Variants in HPSE2 observed in about 807,000 individuals in gnomAD.
HPSE2 encodes heparanase 2 (inactive).
A neutral mutation model predicts 60.5 loss-of-function variants in HPSE2; 38 were observed. The ratio of observed to expected loss-of-function variants is 0.63; its 90% CI spans 0.48 to 0.82. The LOEUF (loss-of-function observed/expected upper bound fraction) is 0.82, where lower values mean the gene tolerates loss of function less well. Ranked by LOEUF, HPSE2 falls within the 40% of genes least tolerant of loss-of-function variation. HPSE2 has a pLI of 0.00. For missense variants in HPSE2, 713 were observed against 740.4 expected, an observed-to-expected ratio of 0.96 and a Z score of 0.43; for synonymous variants, 295 against 293.2, an observed-to-expected ratio of 1.01 and a Z score of -0.06.
intron 3 of HPSE2, among the ~76,000 whole-genome samples, chr10:99,084,820 T>C (rs921453842): frequency 3.9e-5 from 6 of 152,186 alleles, no homozygotes; most frequent in African/African-American, 9.7e-5. Flanking sequence ...AATAAGCCAA[T>C]GGACCAACTT....
At chr10:98,643,386 A>G (rs976649376) in intron 6 of HPSE2, among the ~76,000 whole-genome samples, 3 of 152,260 alleles carry the variant, frequency 2.0e-5, no homozygotes, top group Non-Finnish European at 4.4e-5. Context: ...AGATGGGATT[A>G]TAAACAATAG....
At chr10:98,728,838 T>C (rs1949156165) in intron 4 of HPSE2, among the ~76,000 whole-genome samples, 1 of 151,836 alleles carries the variant, frequency 6.6e-6, no homozygotes, top group Non-Finnish European at 1.5e-5. Flanking sequence ...TGAAACCCCA[T>C]GTCTACGAAA....
At chr10:99,000,911 C>T (rs1460900435) in intron 3 of HPSE2, among the ~76,000 whole-genome samples, 2 of 152,044 alleles carry the variant, frequency 1.3e-5, no homozygotes, top group South Asian at 2.1e-4. Context: ...AAATCCTGTC[C>T]TGTCCCCTGC....
At chr10:99,148,737 C>T (rs941047226) in intron 2 of HPSE2, among the ~76,000 whole-genome samples, 10 of 152,074 alleles carry the variant, frequency 6.6e-5, no homozygotes, top group Admixed American at 5.2e-4. Context: ...CTGCAGTGAG[C>T]CAAGATCGCG....
intron 3 of HPSE2, among the ~76,000 whole-genome samples, chr10:99,087,486 C>G (rs1843362796): frequency 1.3e-5 from 2 of 152,218 alleles, no homozygotes; most frequent in Admixed American, 6.5e-5. Context: ...CTGCATATTC[C>G]TAACATGACT....
chr10:98,541,775 C>T (rs1462208736), intron 9 of HPSE2, among the ~76,000 whole-genome samples: 3 of 151,882 alleles, frequency 2.0e-5, no homozygotes, highest in East Asian at 3.9e-4. Context: ...GAGGGGCACC[C>T]GCCATTGCCC....
chr10:99,098,548 T>A (rs955874547), intron 3 of HPSE2, among the ~76,000 whole-genome samples: 1 of 152,206 alleles, frequency 6.6e-6, no homozygotes, highest in Non-Finnish European at 1.5e-5. Flanking sequence ...GATGAGTACT[T>A]CTTATGTGCC....
intron 4 of HPSE2, among the ~76,000 whole-genome samples, chr10:98,732,570 C>G (rs945316833): frequency 6.6e-6 from 1 of 152,012 alleles, no homozygotes; most frequent in Non-Finnish European, 1.5e-5. Context: ...CTGGGAATCT[C>G]TATATCCACA....
intron 3 of HPSE2, among the ~76,000 whole-genome samples, chr10:98,837,590 T>A (rs1951818192): frequency 6.6e-6 from 1 of 152,006 alleles, no homozygotes; most frequent in Non-Finnish European, 1.5e-5. Context: ...CAAAGAAACC[T>A]CCGGCCGGGC....
chr10:98,688,492 T>TTTTTTTTTTTTTTTTG (rs1397644993), intron 6 of HPSE2, among the ~76,000 whole-genome samples: 1 of 145,320 alleles, frequency 6.9e-6, no homozygotes, highest in Non-Finnish European at 1.5e-5. Context: ...TTTTTTTTTT[T>TTTTTTTTTTTTTTTTG]TGAGGCAGAA....
intron 3 of HPSE2, among the ~76,000 whole-genome samples, chr10:99,029,357 G>A (rs555990668): frequency 6.4e-4 from 97 of 152,210 alleles, no homozygotes; most frequent in Non-Finnish European, 1.2e-3. Flanking sequence ...GGTGACGAGA[G>A]AGTGTAGAAA....
intron 11 of HPSE2, among the ~76,000 whole-genome samples, chr10:98,471,337 G>A (rs182034192): frequency 6.6e-6 from 1 of 152,202 alleles, no homozygotes; most frequent in African/African-American, 2.4e-5. Context: ...CTGGGGTGTG[G>A]CTTGGGCATT....
At chr10:98,782,915 T>G (rs1159062410) in intron 3 of HPSE2, among the ~76,000 whole-genome samples, 2 of 127,164 alleles carry the variant, frequency 1.6e-5, no homozygotes, top group Non-Finnish European at 3.3e-5. Flanking sequence ...TTTGTTTATT[T>G]TTTTTTTTTT....
intron 3 of HPSE2, among the ~76,000 whole-genome samples, chr10:98,928,807 GAAGGGGA>G (rs1954557280): frequency 8.9e-6 from 1 of 112,102 alleles, no homozygotes; most frequent in Non-Finnish European, 1.7e-5. Context: ...ATGGACTCAG[GAAGGGGA>G]ACATCACACT....
intron 2 of HPSE2, among the ~76,000 whole-genome samples, chr10:99,181,414 A>AAAAAAAAAAAAAAAAAAC (rs1847772214): frequency 6.7e-6 from 1 of 149,760 alleles, no homozygotes; most frequent in Non-Finnish European, 1.5e-5. Flanking sequence ...AAAAAAAAAA[A>AAAAAAAAAAAAAAAAAAC]AAAAAAAGAC....
chr10:98,903,718 G>A (rs1343593104), intron 3 of HPSE2, among the ~76,000 whole-genome samples: 2 of 152,036 alleles, frequency 1.3e-5, no homozygotes, highest in Non-Finnish European at 2.9e-5. Context: ...TATACTGAGT[G>A]GTTACATTGT....
At chr10:98,771,158 A>G (rs1461011138) in intron 3 of HPSE2, among the ~76,000 whole-genome samples, 2 of 152,188 alleles carry the variant, frequency 1.3e-5, no homozygotes, top group African/African-American at 2.4e-5. Context: ...CTGGTCATTA[A>G]TAAAAGGGCT....
chr10:98,852,738 G>A (rs1012870918), intron 3 of HPSE2, among the ~76,000 whole-genome samples: 3 of 152,148 alleles, frequency 2.0e-5, no homozygotes, highest in Non-Finnish European at 2.9e-5. Context: ...ATTGACTGTT[G>A]TGGTGTGAGA....
chr10:98,884,136 C>G (rs527569340), intron 3 of HPSE2, among the ~76,000 whole-genome samples: 11 of 152,120 alleles, frequency 7.2e-5, no homozygotes, highest in Admixed American at 2.0e-4. Flanking sequence ...TAGGCAAAAG[C>G]CTAATCCAGA....
Sources: gnomAD v4.1 joint callset for allele counts (sites outside exome capture counted in the v4.1 genomes callset) on GRCh38, gnomAD v4.1.1 for gene constraint, MANE v1.5 for transcripts, NCBI Gene and HGNC (gene_info 2026-07-23, HGNC 2026-07-21) for gene names.